Variants in CPS1 observed in about 807,000 individuals in gnomAD.
CPS1 encodes the protein carbamoyl-phosphate synthase 1.
A neutral mutation model predicts 174.6 loss-of-function variants in CPS1; 109 were observed. The ratio of observed to expected loss-of-function variants is 0.62; its 90% CI spans 0.53 to 0.73. CPS1 has a LOEUF of 0.73. CPS1 is among the 30% of genes least tolerant of loss of function. The probability of loss-of-function intolerance (pLI) is 0.00; values close to 1 mark genes in which losing one functional copy is unlikely to be tolerated. For synonymous variants in CPS1, 637 were observed against 632.0 expected, an observed-to-expected ratio of 1.01 and a Z score of -0.12; for missense variants, 1,689 against 1,821.9, an observed-to-expected ratio of 0.93 and a Z score of 1.33.
chr2:210,652,940 G>T (rs1700602778), intron 28 of CPS1, among the ~76,000 whole-genome samples: 1 of 152,192 alleles, frequency 6.6e-6, no homozygotes, highest in African/African-American at 2.4e-5. Context: ...ATGAGCTGAA[G>T]AAAGAAGCAC....
At chr2:210,530,519 G>C (rs777557452) in intron 1 of CPS1, among the ~76,000 whole-genome samples, 1 of 152,032 alleles carries the variant, frequency 6.6e-6, no homozygotes, top group African/African-American at 2.4e-5. Flanking sequence ...CTGGCTTGAC[G>C]TGAGGGATTA....
intron 27 of CPS1, among the ~76,000 whole-genome samples, chr2:210,648,982 A>G (rs1293543033): frequency 1.2e-4 from 19 of 152,236 alleles, no homozygotes; most frequent in Admixed American, 1.2e-3. Flanking sequence ...TAGATAAATT[A>G]TAAGGGTGAG....
intron 17 of CPS1, among the ~76,000 whole-genome samples, 159 bp downstream of exon 17, chr2:210,605,405 T>C (rs1356765911): frequency 1.3e-5 from 2 of 151,920 alleles, no homozygotes. Flanking sequence ...GTATTGAAAA[T>C]GTTCTCACAT....
At chr2:210,630,597 G>T (rs537573301) in intron 21 of CPS1, among the ~76,000 whole-genome samples, 81 of 152,264 alleles carry the variant, frequency 5.3e-4, no homozygotes, top group Middle Eastern at 6.8e-3. Flanking sequence ...GAAATATAAA[G>T]ATTCAAGTCT....
chr2:210,634,236 C>G (rs903410422), intron 21 of CPS1, among the ~76,000 whole-genome samples: 1 of 152,196 alleles, frequency 6.6e-6, no homozygotes, highest in Non-Finnish European at 1.5e-5. Context: ...CAAGACCATC[C>G]TGGCTAAGAC....
chr2:210,582,570 C>T, intron 5 of CPS1, 47 bp from the exon 6 acceptor site: 2 of 1,435,070 alleles, frequency 1.4e-6, no homozygotes, highest in Non-Finnish European at 9.8e-7. Flanking sequence ...TTGTCAACAC[C>T]TTTATCGTTG....
intron 1 of CPS1, among the ~76,000 whole-genome samples, chr2:210,519,327 C>T (rs375705544): frequency 3.9e-5 from 6 of 151,934 alleles, no homozygotes; most frequent in African/African-American, 1.4e-4. Flanking sequence ...CTAAAGTATT[C>T]CTAATATATT....
intron 19 of CPS1, among the ~76,000 whole-genome samples, chr2:210,608,940 A>C (rs965428281): frequency 1.3e-5 from 2 of 151,956 alleles, no homozygotes; most frequent in African/African-American, 4.8e-5. Context: ...CAAAAAGACC[A>C]CTGAACTGAG....
At chr2:210,504,960 T>C (rs1016775858) in intron 1 of CPS1, among the ~76,000 whole-genome samples, 2 of 151,784 alleles carry the variant, frequency 1.3e-5, no homozygotes, top group East Asian at 3.9e-4. Context: ...TAAAAGTAAA[T>C]AGGAATAGGG....
intron 1 of CPS1, among the ~76,000 whole-genome samples, chr2:210,565,536 T>C (rs1220055511): frequency 6.6e-6 from 1 of 152,128 alleles, no homozygotes. Context: ...AAGAAAAACA[T>C]ACAAACATAA....
intron 6 of CPS1, among the ~76,000 whole-genome samples, chr2:210,585,092 T>TAACTCTTTG (rs1698061059): frequency 6.6e-6 from 1 of 152,060 alleles, no homozygotes; most frequent in South Asian, 2.1e-4. Context: ...AAATTGCATT[T>TAACTCTTTG]AACTCTTTGA....
At chr2:210,496,859 A>G (rs1695004403) in intron 1 of CPS1, among the ~76,000 whole-genome samples, 1 of 152,082 alleles carries the variant, frequency 6.6e-6, no homozygotes, top group African/African-American at 2.4e-5. Context: ...AACTTCTTAT[A>G]CTTTTTCTTC....
intron 1 of CPS1, among the ~76,000 whole-genome samples, chr2:210,511,647 G>C (rs181186476): frequency 2.2e-4 from 34 of 152,186 alleles, no homozygotes; most frequent in Admixed American, 2.1e-3. Flanking sequence ...AAGACTCAGT[G>C]ATAGGCTCAC....
chr2:210,493,379 A>G (rs2105953759), intron 1 of CPS1, among the ~76,000 whole-genome samples: 1 of 152,360 alleles, frequency 6.6e-6, no homozygotes, highest in Admixed American at 6.5e-5. Context: ...GTTATAAAGT[A>G]ATACAATTTT....
intron 23 of CPS1, among the ~76,000 whole-genome samples, 159 bp from the exon 24 acceptor site, chr2:210,639,837 T>C (rs1700160820): frequency 6.6e-6 from 1 of 152,162 alleles, no homozygotes; most frequent in Non-Finnish European, 1.5e-5. Flanking sequence ...GTAGGGCTTG[T>C]ATAACACTTT....
At chr2:210,586,750 A>C (rs1386533616) in intron 6 of CPS1, among the ~76,000 whole-genome samples, 1 of 152,062 alleles carries the variant, frequency 6.6e-6, no homozygotes, top group African/African-American at 2.4e-5. Flanking sequence ...GCAGTGGTGA[A>C]AGCTGGCTCC....
In CPS1 at chr2:210,513,474, C is replaced by T. The variant is rs911557802; in HGVS notation, c.3+35708C>T. On this transcript the variant is annotated intron_variant, in intron 1 of 38. Coordinates refer to the CPS1 transcript ENST00000430249. ...GTTTGCTGACATATGAGAAGACATA[C>T]GTTGTATGTCTTCTTGTGAGAAATG... 3.3e-5 allele frequency among the ~76,000 whole-genome samples: 5 copies of T among 151,232 alleles called. No individual in the cohort carries two copies. The East Asian group carries it at 5.9e-4, about 18-fold the overall frequency.
intron 1 of CPS1, among the ~76,000 whole-genome samples, chr2:210,512,540 C>CT (rs1251309231): frequency 6.6e-6 from 1 of 151,262 alleles, no homozygotes; most frequent in African/African-American, 2.4e-5. Context: ...TGATTTTATT[C>CT]TTTTTTTATG....
chr2:210,595,580 A>C lies in CPS1; in HGVS notation c.1357A>C (p.Lys453Gln). ...AGGATCTCAAGCTGTAAAAGCCATG[A>C]AGGTGAGAGAATATGATCCTTACTA... ...YSGSQAVKAM[K>Q]EENVKTVLMN... Residue 453 changes from lysine to glutamine, a missense_variant and splice_region_variant, in exon 13 of 38, where the codon AAG becomes CAG. Coordinates refer to ENST00000233072, the MANE Select transcript of CPS1 (RefSeq NM_001875.5). The C allele has an allele frequency of 6.2e-7, 1 of 1,601,416 alleles. No homozygotes were observed. Among genetic ancestry groups the C allele is most frequent in the Non-Finnish European group, 8.6e-7 (1 of 1,169,310 alleles).
Sources: gnomAD v4.1 joint callset for allele counts (sites outside exome capture counted in the v4.1 genomes callset) on GRCh38, gnomAD v4.1.1 for gene constraint, MANE v1.5 for transcripts, NCBI Gene and HGNC (gene_info 2026-07-23, HGNC 2026-07-21) for gene names.